Variants in CSMD1 observed in about 807,000 individuals in gnomAD.
The protein encoded by CSMD1 is CUB and sushi domain-containing protein 1.
Under a neutral mutation model 417.5 loss-of-function variants are expected in CSMD1, and 213 were observed. That is an observed-to-expected ratio of 0.51 (90% CI 0.46 to 0.57). The LOEUF is 0.57. Ranked by LOEUF, CSMD1 falls within the 20% of genes least tolerant of loss-of-function variation. The pLI is 0.00. For missense variants in CSMD1, 6,923 were observed against 4,529.7 expected (o/e 1.53, Z -15.17); for synonymous variants, 2,862 against 1,736.8 (o/e 1.65, Z -16.11).
chr8:3,945,045 G>C (rs982493499), intron 5 of CSMD1, among the ~76,000 whole-genome samples: 1 of 152,156 alleles, frequency 6.6e-6, no homozygotes. Context: ...TCCAGAGAGA[G>C]CTCTATAATC....
At chr8:4,432,690 T>A (rs1021236826) in intron 2 of CSMD1, among the ~76,000 whole-genome samples, 3 of 152,136 alleles carry the variant, frequency 2.0e-5, no homozygotes, top group African/African-American at 7.2e-5. Flanking sequence ...AACCCTGGCG[T>A]CTCTCTCCAG....
At chr8:4,191,391 G>A (rs1033914361) in intron 3 of CSMD1, among the ~76,000 whole-genome samples, 1 of 151,876 alleles carries the variant, frequency 6.6e-6, no homozygotes, top group African/African-American at 2.4e-5. Flanking sequence ...GCAAGACTCT[G>A]TCTCAGAAAA....
intron 42 of CSMD1, among the ~76,000 whole-genome samples, chr8:3,113,668 T>C (rs1008880029): frequency 3.9e-5 from 6 of 152,078 alleles, no homozygotes; most frequent in African/African-American, 1.4e-4. Context: ...TTGACATCCC[T>C]GAGAAGTGGG....
chr8:4,264,234 C>T (rs1473934746), intron 3 of CSMD1, among the ~76,000 whole-genome samples: 2 of 152,120 alleles, frequency 1.3e-5, no homozygotes, highest in Non-Finnish European at 2.9e-5. Context: ...AGAATTTCCT[C>T]GTCTTAGGAA....
chr8:3,292,674 G>A (rs374458790), intron 25 of CSMD1, among the ~76,000 whole-genome samples: 1 of 152,048 alleles, frequency 6.6e-6, no homozygotes, highest in Non-Finnish European at 1.5e-5. Context: ...TTTTCCATTT[G>A]CTTGGTAGAT....
chr8:4,591,151 G>C lies in CSMD1; in HGVS notation c.302+46191C>G, dbSNP rs7832685. ...TTCTGAATGCATCATTTCTTCAGTT[G>C]TGTGTTGAGTGCTTACTGTTTACAA... is the stretch of plus-strand genomic sequence containing the variant. On this transcript the variant is annotated intron_variant, in intron 2 of 69. Transcript: ENST00000635120. Among the ~76,000 whole-genome samples the C allele has an allele frequency of 5.5e-3, 836 of 152,334 alleles. 10 individuals are homozygous for C. Among genetic ancestry groups the C allele is most frequent in the African/African-American group, 0.019 (802 of 41,578 alleles).
chr8:3,079,320 T>C (rs887066191), intron 49 of CSMD1, among the ~76,000 whole-genome samples: 1 of 152,178 alleles, frequency 6.6e-6, no homozygotes, highest in Non-Finnish European at 1.5e-5. Context: ...TGTGTCTATA[T>C]ATAAAGAGAG....
intron 5 of CSMD1, among the ~76,000 whole-genome samples, chr8:3,759,752 A>AT (rs1249048677): frequency 6.6e-6 from 1 of 151,264 alleles, no homozygotes; most frequent in African/African-American, 2.4e-5. Flanking sequence ...AAAAAAAAAA[A>AT]AAAAAATTAG....
At chr8:4,270,988 T>C (rs773012402) in intron 3 of CSMD1, among the ~76,000 whole-genome samples, 3 of 152,098 alleles carry the variant, frequency 2.0e-5, no homozygotes, top group Non-Finnish European at 1.5e-5. Flanking sequence ...TTTACTGAGA[T>C]TGCATTTTAA....
intron 1 of CSMD1, among the ~76,000 whole-genome samples, chr8:4,978,656 G>C (rs1810702142): frequency 1.3e-5 from 2 of 152,082 alleles, no homozygotes; most frequent in South Asian, 4.1e-4. Context: ...AAAATATATG[G>C]GCCAGACACG....
At chr8:3,502,099 T>C (rs925614349) in intron 10 of CSMD1, among the ~76,000 whole-genome samples, 1 of 152,122 alleles carries the variant, frequency 6.6e-6, no homozygotes, top group Admixed American at 6.5e-5. Context: ...TAAAAACGTA[T>C]GTCCACACAA....
chr8:3,520,020 C>CTATATATATATATATATATATATA lies in CSMD1; in HGVS notation c.1345-26295_1345-26294insTATATATATATATATATATATATA, dbSNP rs33939239. On this transcript the variant is annotated intron_variant, in intron 10 of 69. Coordinates refer to ENST00000635120, the MANE Select transcript of CSMD1 (RefSeq NM_033225.6). ...TATATATGTGTGTGTGTGTATATAC[C>CTATATATATATATATATATATATA]TATATATATATATATATATACACGT... 1.5e-3 allele frequency among the ~76,000 whole-genome samples: 202 copies of CTATATATATATATATATATATATA among 137,476 alleles called. 2 individuals carry two copies. Among genetic ancestry groups the CTATATATATATATATATATATATA allele is most frequent in the African/African-American group, 5.5e-3 (185 of 33,764 alleles). The allele number at this position is 137,476 out of a possible 152,430, so 90.2% of individuals were successfully genotyped here. A position where few individuals can be genotyped will look rare whatever the true frequency, so the allele number is the denominator to read the frequency against.
Position 2,999,057 on chromosome 8 carries a change from C to G in CSMD1, c.8204-873G>C, listed in dbSNP as rs555458799. ...GGCAATAAAGTGAGAGTACATTGTTCGAAAAATAGTCAATATTTACAATAT... is the reference window on the plus strand; with the variant it reads ...GGCAATAAAGTGAGAGTACATTGTTGGAAAAATAGTCAATATTTACAATAT... On this transcript the variant is annotated intron_variant, in intron 53 of 69. Coordinates refer to ENST00000635120, the MANE Select transcript of CSMD1 (RefSeq NM_033225.6). Among the ~76,000 whole-genome samples the G allele has an allele frequency of 5.3e-5, 8 of 151,432 alleles. No homozygotes were observed. The East Asian group carries it at 1.6e-3, about 29-fold the overall frequency.
intron 3 of CSMD1, among the ~76,000 whole-genome samples, chr8:4,375,552 C>G (rs1267090298): frequency 1.3e-5 from 2 of 152,216 alleles, no homozygotes; most frequent in African/African-American, 2.4e-5. Context: ...TAGCCCACTT[C>G]TTACTAACAT....
chr8:3,414,491 C>A (rs929268893), intron 12 of CSMD1, among the ~76,000 whole-genome samples: 7 of 152,102 alleles, frequency 4.6e-5, no homozygotes, highest in African/African-American at 1.4e-4. Context: ...TCATCATTTG[C>A]CATCATTGAC....
At chr8:4,418,388 C>T (rs1797064723) in intron 3 of CSMD1, among the ~76,000 whole-genome samples, 1 of 151,980 alleles carries the variant, frequency 6.6e-6, no homozygotes, top group African/African-American at 2.4e-5. Context: ...ACCAGTAAAC[C>T]CAGAAATAGC....
intron 1 of CSMD1, among the ~76,000 whole-genome samples, chr8:4,957,761 C>A (rs749620118): frequency 7.2e-5 from 11 of 152,118 alleles, no homozygotes; most frequent in Admixed American, 6.6e-4. Context: ...ACTCACCATG[C>A]TTAATTTAAA....
chr8:4,329,810 G>T (rs1007926303), intron 3 of CSMD1, among the ~76,000 whole-genome samples: 1 of 151,650 alleles, frequency 6.6e-6, no homozygotes, highest in African/African-American at 2.4e-5. Context: ...GTTCTCATGA[G>T]ATGTGGTCAA....
intron 51 of CSMD1, among the ~76,000 whole-genome samples, chr8:3,022,092 C>A (rs1189923826): frequency 1.8e-4 from 26 of 142,222 alleles, no homozygotes; most frequent in Non-Finnish European, 2.9e-4. Flanking sequence ...GGAATACACC[C>A]GCAATCCCAC....
Sources: allele counts gnomAD v4.1 joint callset (sites outside exome capture counted in the v4.1 genomes callset), GRCh38; gene constraint gnomAD v4.1.1; transcripts MANE v1.5; gene names NCBI Gene and HGNC (gene_info 2026-07-23, HGNC 2026-07-21).